The following VPS13B variants were observed in gnomAD, a reference collection of about 807,000 sequenced individuals.
VPS13B encodes vacuolar protein sorting 13 homolog B, also known as intermembrane lipid transfer protein VPS13B.
Under a neutral mutation model 426.4 loss-of-function variants are expected in VPS13B, and 285 were observed. The observed-to-expected ratio is 0.67, with a 90% CI of 0.61 to 0.74. The LOEUF (loss-of-function observed/expected upper bound fraction) is 0.74. VPS13B is among the 30% of genes least tolerant of loss of function. The pLI is 0.00. For synonymous variants in VPS13B, 1,676 were observed against 1,676.4 expected (o/e 1.00, Z 0.01); for missense variants, 4,537 against 4,782.6 (o/e 0.95, Z 1.51).
chr8:99,185,634 A>C (rs1201124494), intron 16 of VPS13B, among the ~76,000 whole-genome samples: 2 of 152,174 alleles, frequency 1.3e-5, no homozygotes, highest in African/African-American at 4.8e-5. Flanking sequence ...GTTGCTGAGA[A>C]TATTCTTTCA....
intron 54 of VPS13B, among the ~76,000 whole-genome samples, chr8:99,845,663 T>A (rs1191140538): frequency 1.3e-5 from 2 of 152,180 alleles, no homozygotes; most frequent in African/African-American, 4.8e-5. Flanking sequence ...AATGTCAGTA[T>A]GGGAAGGTAC....
chr8:99,316,519 G>T (rs149052045), intron 19 of VPS13B, among the ~76,000 whole-genome samples: 198 of 152,280 alleles, frequency 1.3e-3, no homozygotes, highest in Middle Eastern at 6.8e-3. Flanking sequence ...TCAGGGGCCT[G>T]TGAGGGTCAA....
chr8:99,277,206 G>T (rs2133005917), intron 19 of VPS13B, among the ~76,000 whole-genome samples: 1 of 152,126 alleles, frequency 6.6e-6, no homozygotes, highest in African/African-American at 2.4e-5. Context: ...GGATTTGTGT[G>T]TAAAATTTTA....
At chr8:99,100,377 G>A (rs756129851) in intron 4 of VPS13B, among the ~76,000 whole-genome samples, 41 of 152,124 alleles carry the variant, frequency 2.7e-4, no homozygotes, top group Non-Finnish European at 5.3e-4. Flanking sequence ...TGCAACCTCC[G>A]CCTCTGGTGC....
At chr8:99,767,522 G>GA in intron 40 of VPS13B, among the ~76,000 whole-genome samples, 1 of 125,056 alleles carries the variant, frequency 8.0e-6, no homozygotes, top group South Asian at 2.6e-4. Context: ...AAAAAAAGGC[G>GA]ACAGTCCTCC....
At chr8:99,760,837 C>A (rs1235350756) in intron 39 of VPS13B, among the ~76,000 whole-genome samples, 4 of 152,264 alleles carry the variant, frequency 2.6e-5, no homozygotes, top group South Asian at 4.1e-4. Flanking sequence ...CTAAACAATA[C>A]AGTGTAACAA....
chr8:99,521,061 C>T (rs967229109), intron 30 of VPS13B, 51 bp downstream of exon 30: 9 of 1,412,714 alleles, frequency 6.4e-6, no homozygotes, highest in Non-Finnish European at 8.0e-6. Context: ...ATCCTGCAAA[C>T]ACATATAGTG....
chr8:99,758,919 G>A (rs1010102109), intron 39 of VPS13B, among the ~76,000 whole-genome samples: 4 of 152,074 alleles, frequency 2.6e-5, no homozygotes, highest in South Asian at 2.1e-4. Flanking sequence ...AGGCTCTCAC[G>A]TTCTTTTTGT....
At chr8:99,024,668 T>C (rs1842050548) in intron 2 of VPS13B, among the ~76,000 whole-genome samples, 1 of 152,234 alleles carries the variant, frequency 6.6e-6, no homozygotes, top group African/African-American at 2.4e-5. Context: ...GTATGTCTGT[T>C]CTTATGCAAG....
At chr8:99,143,254 T>A in intron 13 of VPS13B, 89 bp downstream of exon 13, 1 of 1,552,320 alleles carries the variant, frequency 6.4e-7, no homozygotes, top group Admixed American at 1.7e-5. Context: ...TAACTTTACG[T>A]TTTTAGTGTA....
intron 21 of VPS13B, among the ~76,000 whole-genome samples, chr8:99,405,981 T>C (rs1179730269): frequency 6.6e-6 from 1 of 152,062 alleles, no homozygotes; most frequent in African/African-American, 2.4e-5. Context: ...TGTTTCACCA[T>C]ATTGGCCAGG....
intron 19 of VPS13B, among the ~76,000 whole-genome samples, chr8:99,343,422 G>T (rs1245447876): frequency 2.0e-5 from 3 of 152,054 alleles, no homozygotes; most frequent in Non-Finnish European, 4.4e-5. Context: ...TTGTTTTCTT[G>T]TTATTGGGTT....
chr8:99,777,716 G>A (rs944641829), intron 41 of VPS13B, among the ~76,000 whole-genome samples: 1 of 152,138 alleles, frequency 6.6e-6, no homozygotes, highest in African/African-American at 2.4e-5. Context: ...GATAGGCACA[G>A]TCTCAAATTA....
At chr8:99,066,590 G>A (rs1223165679) in intron 3 of VPS13B, among the ~76,000 whole-genome samples, 1 of 152,216 alleles carries the variant, frequency 6.6e-6, no homozygotes, top group Non-Finnish European at 1.5e-5. Flanking sequence ...ACATAGGCAT[G>A]GGCAAGGACT....
chr8:99,320,463 T>G (rs1809917078), intron 19 of VPS13B, among the ~76,000 whole-genome samples: 1 of 152,208 alleles, frequency 6.6e-6, no homozygotes, highest in Non-Finnish European at 1.5e-5. Context: ...TGATATATTT[T>G]GTTTTCTTAG....
At chr8:99,601,243 T>A (rs372334347) in intron 33 of VPS13B, among the ~76,000 whole-genome samples, 24 of 152,172 alleles carry the variant, frequency 1.6e-4, no homozygotes, top group African/African-American at 5.3e-4. Context: ...AGTGAGAACA[T>A]GTGGTGTTTG....
chr8:99,601,868 T>G (rs1383051856), intron 33 of VPS13B, among the ~76,000 whole-genome samples: 2 of 152,240 alleles, frequency 1.3e-5, no homozygotes, highest in Non-Finnish European at 2.9e-5. Context: ...GTAAATTTGT[T>G]TAAGTTCTTT....
Position 99,481,692 on chromosome 8 carries a change from G to A in VPS13B, c.3760G>A (p.Glu1254Lys), listed in dbSNP as rs1438714587. The change falls in exon 25 of 62, where the codon GAG becomes AAG. Residue 1254 changes from glutamate to lysine, a missense_variant. Glu to Lys is a moderately conservative substitution (Grantham distance 56, BLOSUM62 1). This residue lies in a region of VPS13B where 4,311 missense variants were observed against 4,474.3 expected (regional missense o/e 0.96). Coordinates refer to ENST00000357162, the MANE Select transcript of VPS13B (RefSeq NM_152564.5). ...GNLNLSPTSP[E>K]TMAGPVPTSP... ...TCTCAACCTATCTCCAACCTCTCCA[G>A]AGACCATGGCAGGGCCTGTTCCTAC... 1 of 1,613,992 alleles carries A rather than the reference G, an allele frequency of 6.2e-7. No homozygotes were observed. Among genetic ancestry groups the A allele is most frequent in the East Asian group, 2.2e-5 (1 of 44,874 alleles).
chr8:99,495,134 T>G lies in VPS13B; in HGVS notation c.3871-6553T>G, dbSNP rs539626425. 2.0e-5 allele frequency among the ~76,000 whole-genome samples: 3 copies of G among 152,288 alleles called. No homozygotes were observed. The East Asian group carries it at 5.8e-4, about 29-fold the overall frequency. Reference sequence around the variant, plus strand: ...ATCTTTATTAAAGGATAACCCCAATTTATCTTAAGTATGGTTCAAAGTAGG... The same window carrying G: ...ATCTTTATTAAAGGATAACCCCAATGTATCTTAAGTATGGTTCAAAGTAGG... On this transcript the variant is annotated intron_variant, in intron 25 of 61. Transcript: ENST00000357162.
Sources: gnomAD v4.1 joint callset for allele counts (sites outside exome capture counted in the v4.1 genomes callset) on GRCh38, gnomAD v4.1.1 for gene constraint, gnomAD v4.1.1 regional missense constraint, MANE v1.5 for transcripts, NCBI Gene and HGNC (gene_info 2026-07-23, HGNC 2026-07-21) for gene names.